Variants in SHROOM3 observed in about 807,000 individuals in gnomAD.
The protein encoded by SHROOM3 is protein Shroom3.
In SHROOM3, 47 loss-of-function variants were observed where a neutral mutation model predicts 138.6. The ratio of observed to expected loss-of-function variants is 0.34; its 90% confidence interval spans 0.27 to 0.43. The LOEUF is 0.43. SHROOM3 is among the 20% of genes least tolerant of loss of function. The pLI, the probability that SHROOM3 is intolerant of heterozygous loss-of-function variation, is 1.00. For synonymous variants in SHROOM3, 1,062 were observed against 1,063.3 expected (o/e 1.00, Z 0.02); for missense variants, 2,491 against 2,596.5 (o/e 0.96, Z 0.88).
intron 1 of SHROOM3, among the ~76,000 whole-genome samples, chr4:76,470,410 A>G (rs1731345671): frequency 6.6e-6 from 1 of 152,224 alleles, no homozygotes; most frequent in Non-Finnish European, 1.5e-5. Context: ...CTAAAATAAA[A>G]TTAACCTCAA....
intron 1 of SHROOM3, among the ~76,000 whole-genome samples, chr4:76,519,767 C>T (rs1156490183): frequency 6.6e-6 from 1 of 152,126 alleles, no homozygotes; most frequent in Non-Finnish European, 1.5e-5. Flanking sequence ...GCCTTTTAGG[C>T]TTTTTGTATG....
chr4:76,744,148 C>G (rs6826078), intron 5 of SHROOM3, among the ~76,000 whole-genome samples: 1,927 of 152,258 alleles, frequency 0.013, 33 homozygotes, highest in African/African-American at 0.044. Context: ...GAAGAGATTC[C>G]TCCAAATCCC....
At chr4:76,500,663 T>C (rs1261158030) in intron 1 of SHROOM3, among the ~76,000 whole-genome samples, 1 of 152,216 alleles carries the variant, frequency 6.6e-6, no homozygotes, top group African/African-American at 2.4e-5. Flanking sequence ...GGGTACACAG[T>C]AGTATCTCAT....
intron 1 of SHROOM3, among the ~76,000 whole-genome samples, chr4:76,479,833 T>C (rs1182970741): frequency 6.6e-6 from 1 of 151,968 alleles, no homozygotes; most frequent in African/African-American, 2.4e-5. Flanking sequence ...TATTCAACAT[T>C]CTTAAAAGAA....
intron 3 of SHROOM3, among the ~76,000 whole-genome samples, chr4:76,715,734 T>A (rs1247678144): frequency 6.6e-6 from 1 of 152,218 alleles, no homozygotes; most frequent in Non-Finnish European, 1.5e-5. Context: ...TAATTCATTC[T>A]CAATTGAACA....
chr4:76,680,620 A>T (rs1346657780), intron 2 of SHROOM3, among the ~76,000 whole-genome samples: 4 of 152,212 alleles, frequency 2.6e-5, no homozygotes, highest in Non-Finnish European at 5.9e-5. Flanking sequence ...AAATTCAATA[A>T]GCACTTCCTT....
rs145800129 is a variant in SHROOM3, at chr4:76,550,696, A to G, written c.169-4913A>G. Among the ~76,000 whole-genome samples, 1,225 of 152,202 alleles carry G rather than the reference A, an allele frequency of 8.0e-3. 20 individuals are homozygous for G. Among genetic ancestry groups the G allele is most frequent in the African/African-American group, 0.026 (1,070 of 41,532 alleles). On this transcript the variant is annotated intron_variant, in intron 1 of 10. Coordinates refer to ENST00000296043, the MANE Select transcript of SHROOM3 (RefSeq NM_020859.4). ...ATGAAATGTTTGACAAATAAGTGCC[A>G]TTTCAAAAACGTCATCCCATGGCCA...
intron 1 of SHROOM3, among the ~76,000 whole-genome samples, chr4:76,483,784 C>T (rs2109989276): frequency 6.6e-6 from 1 of 152,230 alleles, no homozygotes; most frequent in South Asian, 2.1e-4. Context: ...AAATATGGCA[C>T]GTATATACCA....
At chr4:76,772,662 C>A (rs181211152) in intron 10 of SHROOM3, among the ~76,000 whole-genome samples, 1 of 152,128 alleles carries the variant, frequency 6.6e-6, no homozygotes, top group Non-Finnish European at 1.5e-5. Context: ...AGAAGTGTGT[C>A]CTGTCCTCCT....
At chr4:76,718,064 C>A (rs1364186333) in intron 3 of SHROOM3, among the ~76,000 whole-genome samples, 2 of 152,144 alleles carry the variant, frequency 1.3e-5, no homozygotes, top group African/African-American at 4.8e-5. Context: ...TGGTAATGTT[C>A]TAGCTCTCTA....
intron 2 of SHROOM3, among the ~76,000 whole-genome samples, chr4:76,596,046 T>C (rs1462491999): frequency 6.6e-6 from 1 of 152,112 alleles, no homozygotes; most frequent in African/African-American, 2.4e-5. Context: ...AAAAGTGAGG[T>C]CTTTTTTTTC....
intron 1 of SHROOM3, among the ~76,000 whole-genome samples, chr4:76,453,346 A>G (rs144465205): frequency 6.6e-6 from 1 of 151,442 alleles, no homozygotes; most frequent in Non-Finnish European, 1.5e-5. Flanking sequence ...TCACATGACC[A>G]TGGTTCATTG....
At chr4:76,632,104 G>A (rs1577934710) in intron 2 of SHROOM3, among the ~76,000 whole-genome samples, 1 of 152,186 alleles carries the variant, frequency 6.6e-6, no homozygotes, top group Admixed American at 6.5e-5. Context: ...AGGTTGAGGG[G>A]TTGGGAACAG....
intron 2 of SHROOM3, among the ~76,000 whole-genome samples, chr4:76,666,974 A>C (rs1718709533): frequency 6.6e-6 from 1 of 152,246 alleles, no homozygotes; most frequent in Non-Finnish European, 1.5e-5. Flanking sequence ...AGCCAGTCAC[A>C]GAAGGAAAAA....
intron 2 of SHROOM3, among the ~76,000 whole-genome samples, chr4:76,699,434 A>T (rs1719842004): frequency 6.6e-6 from 1 of 152,178 alleles, no homozygotes. Context: ...CATCTGTACT[A>T]ACCTCCTCAT....
chr4:76,440,571 T>C (rs1453907425), intron 1 of SHROOM3, among the ~76,000 whole-genome samples: 3 of 152,228 alleles, frequency 2.0e-5, no homozygotes, highest in Non-Finnish European at 4.4e-5. Flanking sequence ...TCAACTGCTT[T>C]AAGTAGTTCA....
intron 1 of SHROOM3, among the ~76,000 whole-genome samples, chr4:76,532,933 A>G (rs1424797021): frequency 1.4e-5 from 2 of 146,062 alleles, no homozygotes; most frequent in African/African-American, 5.1e-5. Context: ...TGATACTGCA[A>G]CAGTCAATCC....
chr4:76,514,981 A>G (rs1374296616), intron 1 of SHROOM3, among the ~76,000 whole-genome samples: 4 of 152,112 alleles, frequency 2.6e-5, no homozygotes, highest in Admixed American at 2.0e-4. Context: ...TTGGGAGGCC[A>G]AGGTGGGTGG....
chr4:76,678,707 C>A (rs1719107623), intron 2 of SHROOM3, among the ~76,000 whole-genome samples: 1 of 152,174 alleles, frequency 6.6e-6, no homozygotes, highest in Non-Finnish European at 1.5e-5. Flanking sequence ...GTTCCTCAGG[C>A]TGGAGTGCAA....
Sources: gnomAD v4.1 joint callset for allele counts (sites outside exome capture counted in the v4.1 genomes callset) on GRCh38, gnomAD v4.1.1 for gene constraint, MANE v1.5 for transcripts, NCBI Gene and HGNC (gene_info 2026-07-23, HGNC 2026-07-21) for gene names.